The following NUP155 variants were observed in gnomAD, a reference collection of about 807,000 sequenced individuals.
NUP155 encodes nucleoporin 155.
A neutral mutation model predicts 180.4 loss-of-function variants in NUP155; 71 were observed. The observed-to-expected ratio is 0.39, with a 90% confidence interval of 0.33 to 0.48. The LOEUF (loss-of-function observed/expected upper bound fraction) is 0.48. Among genes scored for constraint, NUP155 ranks in the 20% least tolerant of loss-of-function variants. The pLI, the probability that NUP155 is intolerant of heterozygous loss-of-function variation, is 0.91. For synonymous variants in NUP155, 582 were observed against 559.5 expected (o/e 1.04, Z -0.57); for missense variants, 1,553 against 1,648.9 (o/e 0.94, Z 1.01).
chr5:37,294,604 T>C, intron 32 of NUP155, 139 bp from the exon 33 acceptor site: 1 of 758,650 alleles, frequency 1.3e-6, no homozygotes, highest in Non-Finnish European at 2.2e-6. Flanking sequence ...GGGGTTTTTT[T>C]TGCTATGTTG....
rs1224427809 is a variant in NUP155, at chr5:37,288,747, T to TAAAAA, written c.*3148_*3152dup. 2.3e-4 allele frequency: 14 copies of TAAAAA among 61,634 alleles called. No individual in the cohort carries two copies. The highest frequency in any genetic ancestry group is 6.8e-4 in the South Asian group (1 of 1,474). The allele number at this position is 61,634 out of a possible 1,614,324, so 3.8% of individuals were successfully genotyped here. A position where few individuals can be genotyped will look rare whatever the true frequency, so the allele number is the denominator to read the frequency against. ...GAGATCTTTTGGCTACACAAAAAAT[T>TAAAAA]AAAAAAAAAAAAAAAAAAAAAGTAG... is the stretch of plus-strand genomic sequence containing the variant. On this transcript the variant is annotated 3_prime_UTR_variant, in exon 35 of 35. Coordinates refer to ENST00000231498, the MANE Select transcript of NUP155 (RefSeq NM_153485.3).
intron 26 of NUP155, 95 bp from the exon 27 acceptor site, chr5:37,304,938 A>G: frequency 6.6e-7 from 1 of 1,510,908 alleles, no homozygotes. Flanking sequence ...AGAAATCAAG[A>G]ATCCTTACAT....
intron 33 of NUP155, 128 bp from the exon 34 acceptor site, chr5:37,293,113 A>T: frequency 1.5e-6 from 1 of 670,414 alleles, no homozygotes; most frequent in South Asian, 1.7e-5. Context: ...TTAATATCAC[A>T]TGGCTACTAA....
intron 6 of NUP155, 67 bp downstream of exon 6, chr5:37,351,105 TATATAATTAGAAAACAAA>T: frequency 9.4e-7 from 1 of 1,060,614 alleles, no homozygotes; most frequent in African/African-American, 1.6e-5. Flanking sequence ...TTAATGTCCT[TATATAATTAGAAAACAAA>T]ATAAAGGCTT....
In NUP155 at chr5:37,291,796, A is replaced by G. The variant is rs1040564992; in HGVS notation, c.*104T>C. The G allele has an allele frequency of 1.9e-6, 2 of 1,043,432 alleles. No individual in the cohort carries two copies. Among genetic ancestry groups the G allele is most frequent in the Non-Finnish European group, 3.0e-6 (2 of 677,520 alleles). 64.6% of individuals were successfully genotyped at this position (1,043,432 alleles called of 1,614,324 possible). A position where few individuals can be genotyped will look rare whatever the true frequency, so the allele number is the denominator to read the frequency against. On this transcript the variant is annotated 3_prime_UTR_variant, in exon 35 of 35. Coordinates refer to ENST00000231498, the MANE Select transcript of NUP155 (RefSeq NM_153485.3). ...AGCCACTTATTAAAAACATATTTCT[A>G]TTAAGATTGTTCTTACATTCTTAGA...
chr5:37,365,892 A>G (rs960006269), intron 1 of NUP155, among the ~76,000 whole-genome samples: 1 of 151,636 alleles, frequency 6.6e-6, no homozygotes, highest in East Asian at 1.9e-4. Context: ...GGGAAAATAT[A>G]AAACTGCTTT....
chr5:37,370,032 T>C (rs1204486409), intron 1 of NUP155, among the ~76,000 whole-genome samples: 1 of 152,264 alleles, frequency 6.6e-6, no homozygotes, highest in African/African-American at 2.4e-5. Flanking sequence ...TGGTAGTTCT[T>C]TTAAGATCCT....
intron 3 of NUP155, among the ~76,000 whole-genome samples, chr5:37,358,834 T>C (rs1747015819): frequency 6.6e-6 from 1 of 152,114 alleles, no homozygotes; most frequent in Non-Finnish European, 1.5e-5. Context: ...CTGGCCAATG[T>C]GGTGAAACCC....
At chr5:37,305,294 C>A in intron 25 of NUP155, 84 bp from the exon 26 acceptor site, 1 of 1,230,498 alleles carries the variant, frequency 8.1e-7, no homozygotes, top group Non-Finnish European at 1.2e-6. Flanking sequence ...GCCTGTAATG[C>A]CAGCCATAGG....
chr5:37,330,505 A>G (rs1744886678), intron 14 of NUP155, among the ~76,000 whole-genome samples: 1 of 152,168 alleles, frequency 6.6e-6, no homozygotes, highest in South Asian at 2.1e-4. Flanking sequence ...TAATCCTCAT[A>G]CCACATCCTA....
At chr5:37,337,037 G>A (rs1273972980) in intron 12 of NUP155, among the ~76,000 whole-genome samples, 2 of 152,152 alleles carry the variant, frequency 1.3e-5, no homozygotes, top group African/African-American at 4.8e-5. Flanking sequence ...GGGCTATGCA[G>A]GACTATTCAG....
intron 19 of NUP155, 27 bp from the exon 20 acceptor site, chr5:37,324,134 G>C (rs771137088): frequency 1.3e-5 from 18 of 1,411,284 alleles, no homozygotes; most frequent in Non-Finnish European, 1.6e-5. Context: ...TTTTTCAAAA[G>C]TTTAAAAACA....
At position 37,288,433 on chromosome 5, in the gene NUP155, A is replaced by C. The variant is rs10473043; in HGVS notation, c.*3467T>G. Reference sequence around the variant, plus strand: ...TGTACATCAGTCAGTATCTCATAGCATAAACAGTTAGTCAAGATAGCTTTC... The same window carrying C: ...TGTACATCAGTCAGTATCTCATAGCCTAAACAGTTAGTCAAGATAGCTTTC... On this transcript the variant is annotated 3_prime_UTR_variant, in exon 35 of 35. Transcript: ENST00000231498. The C allele has an allele frequency of 2.6e-5, 4 of 151,610 alleles. No homozygotes were observed. The highest frequency in any genetic ancestry group is 4.4e-5 in the Non-Finnish European group (3 of 67,760). 9.4% of individuals were successfully genotyped at this position (151,610 alleles called of 1,614,324 possible). A position where few individuals can be genotyped will look rare whatever the true frequency, so the allele number is the denominator to read the frequency against.
chr5:37,347,249 C>T (rs932829262), intron 9 of NUP155, among the ~76,000 whole-genome samples: 18 of 151,838 alleles, frequency 1.2e-4, no homozygotes, highest in African/African-American at 4.4e-4. Flanking sequence ...AACAAAAAAC[C>T]GAAAGAGTGA....
rs549667357 is a variant in NUP155 at position 37,295,465 on chromosome 5, C to T, written c.3794-1000G>A. Among the ~76,000 whole-genome samples, 998 of 152,218 alleles carry T rather than the reference C, an allele frequency of 6.6e-3. 9 individuals are homozygous for T. The highest frequency in any genetic ancestry group is 0.023 in the African/African-American group (938 of 41,512). On this transcript the variant is annotated intron_variant, in intron 32 of 34. Transcript: ENST00000231498. ...CGAGATTGCAGCCTCTGCCCGGCCG[C>T]CACCCTGTCTGGGAAGTGAGGAGCG...
In NUP155 at chr5:37,311,406, C is replaced by G. The variant is rs1469655704; in HGVS notation, c.2437-663G>C. Reference sequence around the variant, plus strand: ...ACCTACCTACAATATATTTATCACTCTATAAAACTCAAAATTATTATTCTA... The same window carrying G: ...ACCTACCTACAATATATTTATCACTGTATAAAACTCAAAATTATTATTCTA... On this transcript the variant is annotated intron_variant, in intron 22 of 34. Coordinates refer to ENST00000231498, the MANE Select transcript of NUP155 (RefSeq NM_153485.3). Among the ~76,000 whole-genome samples, 4 of 152,158 alleles carry G rather than the reference C, an allele frequency of 2.6e-5. No homozygotes were observed. In the East Asian group the frequency reaches 7.7e-4, roughly 29 times the overall value.
rs566951271 is a variant in NUP155 at position 37,329,289 on chromosome 5, G to C, written c.1725-11C>G. On this transcript the variant is annotated splice_polypyrimidine_tract_variant and intron_variant, in intron 15 of 34. Coordinates refer to ENST00000231498, the MANE Select transcript of NUP155 (RefSeq NM_153485.3). ...GCTTCACCACCATACCTATTTTTAT[G>C]ACAAGAGGTTGAGTTTATTCAGTAA... 2.3e-5 allele frequency: 37 copies of C among 1,603,478 alleles called. No individual in the cohort carries two copies. The East Asian group carries it at 8.0e-4, about 35-fold the overall frequency.
At chr5:37,343,719 C>T (rs1287383567) in intron 9 of NUP155, among the ~76,000 whole-genome samples, 2 of 151,940 alleles carry the variant, frequency 1.3e-5, no homozygotes, top group Non-Finnish European at 1.5e-5. Context: ...GGTGAACCCC[C>T]GTCTCTACTA....
At chr5:37,304,118 C>T (rs756249472) in intron 27 of NUP155, among the ~76,000 whole-genome samples, 27 of 151,582 alleles carry the variant, frequency 1.8e-4, no homozygotes, top group South Asian at 1.2e-3. Context: ...TGCGTGGTGG[C>T]GGGTGCCTGT....
Sources: gnomAD v4.1 joint callset for allele counts (sites outside exome capture counted in the v4.1 genomes callset) on GRCh38, gnomAD v4.1.1 for gene constraint, MANE v1.5 for transcripts, NCBI Gene and HGNC (gene_info 2026-07-23, HGNC 2026-07-21) for gene names.